The following ADCY9 variants were observed in gnomAD, a reference collection of about 807,000 sequenced individuals.
The protein encoded by ADCY9 is adenylate cyclase type 9.
Under a neutral mutation model 101.5 loss-of-function variants are expected in ADCY9, and 50 were observed. That is an observed-to-expected ratio of 0.49 (90% CI 0.39 to 0.62). The LOEUF is 0.62. Ranked by LOEUF, ADCY9 falls within the 20% of genes least tolerant of loss-of-function variation. The pLI is 0.00. For missense variants in ADCY9, 1,662 were observed against 1,800.4 expected (o/e 0.92, Z 1.39); for synonymous variants, 905 against 769.3 (o/e 1.18, Z -2.92).
chr16:3,974,584 C>T, intron 10 of ADCY9, 85 bp downstream of exon 10: 1 of 1,103,292 alleles, frequency 9.1e-7, no homozygotes. Flanking sequence ...TTCAAGATCC[C>T]ATTGTTTTCA....
chr16:4,038,444 T>C lies in ADCY9; in HGVS notation c.1694-30886A>G, dbSNP rs1567448459. Among the ~76,000 whole-genome samples, 11 of 152,168 alleles carry C rather than the reference T, an allele frequency of 7.2e-5. 1 individual carries two copies. The highest frequency in any genetic ancestry group is 6.5e-4 in the Admixed American group (10 of 15,282). On this transcript the variant is annotated intron_variant, in intron 2 of 10. Transcript: ENST00000294016. The stretch of plus-strand genomic sequence containing the variant: ...GTCCGTAGCCTTTGCTCTTCTGTCA[T>C]GTGAGGACATGGCACCAGACACCCA...
chr16:4,077,077 C>A (rs80071182), intron 2 of ADCY9, among the ~76,000 whole-genome samples: 232 of 138,876 alleles, frequency 1.7e-3, no homozygotes, highest in Middle Eastern at 7.4e-3. Flanking sequence ...GACTTCGTCT[C>A]AAAAAAAAAA....
chr16:4,025,215 A>G (rs1325706879), intron 2 of ADCY9, among the ~76,000 whole-genome samples: 1 of 152,024 alleles, frequency 6.6e-6, no homozygotes, highest in East Asian at 1.9e-4. Flanking sequence ...AAATATATAT[A>G]TACAAAAATT....
chr16:3,999,593 G>A (rs776222549), intron 3 of ADCY9, among the ~76,000 whole-genome samples: 2 of 152,164 alleles, frequency 1.3e-5, no homozygotes, highest in Admixed American at 6.5e-5. Flanking sequence ...TGGGCCCTCC[G>A]GCATCAAGGG....
In ADCY9 at chr16:3,966,185, T is replaced by C; in HGVS notation, c.3652A>G (p.Lys1218Glu). ...VSEESYRVLSKMGYDFDYRGT... is the reference protein window; with the variant it reads ...VSEESYRVLSEMGYDFDYRGT... ...CTGTAGTCGAAGTCATAGCCCATCT[T>C]GCTCAAGACGCGGTAGCTCTCTTCG... The change falls in exon 11 of 11, where the codon AAG becomes GAG. Residue 1218 changes from lysine (K) to glutamate (E), a missense_variant. Lys to Glu is a moderately conservative substitution (Grantham distance 56). Transcript: ENST00000294016. 1 of 1,614,218 alleles carries C rather than the reference T, an allele frequency of 6.2e-7. No homozygotes were observed. The highest frequency in any genetic ancestry group is 8.5e-7 in the Non-Finnish European group (1 of 1,180,040).
intron 2 of ADCY9, among the ~76,000 whole-genome samples, chr16:4,052,060 G>A (rs929142950): frequency 6.6e-6 from 1 of 152,184 alleles, no homozygotes; most frequent in East Asian, 1.9e-4. Context: ...ACCTGTGTGC[G>A]TTCCTGTCGT....
At chr16:3,960,313 A>G (rs569530988), downstream of ADCY9, among the ~76,000 whole-genome samples, 1 of 152,154 alleles carries the variant, frequency 6.6e-6, no homozygotes, top group Non-Finnish European at 1.5e-5. Flanking sequence ...TGAGGTCTGG[A>G]GTTTGAGACC....
At chr16:4,107,846 C>A (rs2057087851) in intron 2 of ADCY9, among the ~76,000 whole-genome samples, 1 of 152,090 alleles carries the variant, frequency 6.6e-6, no homozygotes, top group African/African-American at 2.4e-5. Context: ...ATACAGAATG[C>A]CTCCGTCCAC....
intron 2 of ADCY9, among the ~76,000 whole-genome samples, chr16:4,053,251 T>C (rs1387992939): frequency 1.3e-5 from 2 of 152,184 alleles, no homozygotes; most frequent in African/African-American, 4.8e-5. Flanking sequence ...CGCAGTGAAG[T>C]GGGCCGTCAG....
At chr16:4,109,877 T>C (rs1432713787) in intron 2 of ADCY9, among the ~76,000 whole-genome samples, 1 of 152,134 alleles carries the variant, frequency 6.6e-6, no homozygotes, top group Non-Finnish European at 1.5e-5. Flanking sequence ...TGTTGAGTGG[T>C]TCCCTGACAC....
Position 4,007,356 on chromosome 16 carries a change from A to T in ADCY9, c.1884+12T>A, listed in dbSNP as rs758753616. 6.6e-7 allele frequency: 1 copy of T among 1,525,916 alleles called. No homozygotes were observed. Among genetic ancestry groups the T allele is most frequent in the South Asian group, 1.3e-5 (1 of 79,138 alleles). The allele number at this position is 1,525,916 out of a possible 1,614,324, so 94.5% of individuals were successfully genotyped here. On this transcript the variant is annotated intron_variant, in intron 3 of 10. Transcript: ENST00000294016. ...GTTTTAGAAGTAGGAAAAAAAAAACAAAAAAACTAACCTTAAGGTTATCAA... is the reference window on the plus strand; with the variant it reads ...GTTTTAGAAGTAGGAAAAAAAAAACTAAAAAACTAACCTTAAGGTTATCAA...
intron 2 of ADCY9, among the ~76,000 whole-genome samples, chr16:4,030,512 G>C (rs1026261636): frequency 2.6e-5 from 4 of 152,080 alleles, no homozygotes; most frequent in African/African-American, 9.7e-5. Flanking sequence ...GACCAACCTG[G>C]CCAACATGGT....
downstream of ADCY9, among the ~76,000 whole-genome samples, chr16:3,961,050 A>C (rs2055934936): frequency 6.6e-6 from 1 of 152,210 alleles, no homozygotes; most frequent in Non-Finnish European, 1.5e-5. Context: ...ATGAAAGAGA[A>C]ACCACAAATG....
chr16:3,958,541 CAAAAAAA>C (rs57920543), downstream of ADCY9, among the ~76,000 whole-genome samples: 15 of 104,176 alleles, frequency 1.4e-4, no homozygotes, highest in South Asian at 3.4e-4. Context: ...AACTCCGTCT[CAAAAAAA>C]AAAAAAAAAA....
intron 2 of ADCY9, 102 bp from the exon 3 acceptor site, chr16:4,007,660 A>C: frequency 1.0e-6 from 1 of 990,268 alleles, no homozygotes. Flanking sequence ...TGGAAAGTTG[A>C]GAGTAAAGTG....
intron 2 of ADCY9, among the ~76,000 whole-genome samples, chr16:4,067,709 G>A (rs142265692): frequency 6.6e-6 from 1 of 152,116 alleles, no homozygotes; most frequent in Non-Finnish European, 1.5e-5. Flanking sequence ...TCGGGAGAGG[G>A]TCAATTCAGG....
At chr16:3,967,883 A>C (rs1291867624) in intron 10 of ADCY9, among the ~76,000 whole-genome samples, 6 of 151,526 alleles carry the variant, frequency 4.0e-5, no homozygotes, top group African/African-American at 1.5e-4. Context: ...TTTTTAGTAG[A>C]GACAGGGTTT....
chr16:3,968,907 G>A (rs1021560651), intron 10 of ADCY9, among the ~76,000 whole-genome samples: 3 of 151,784 alleles, frequency 2.0e-5, no homozygotes, highest in South Asian at 2.1e-4. Flanking sequence ...GTGCAGTGGC[G>A]TGATCTCGCC....
intron 2 of ADCY9, among the ~76,000 whole-genome samples, chr16:4,018,295 C>T (rs535087268): frequency 6.8e-4 from 102 of 150,842 alleles, no homozygotes; most frequent in African/African-American, 2.3e-3. Context: ...CTCACTGCAA[C>T]CTCTGCCTCC....
Sources: allele counts gnomAD v4.1 joint callset (sites outside exome capture counted in the v4.1 genomes callset), GRCh38; gene constraint gnomAD v4.1.1; transcripts MANE v1.5; gene names NCBI Gene and HGNC (gene_info 2026-07-23, HGNC 2026-07-21).